PLA2G6: variants seen among roughly 807,000 people sequenced by gnomAD.
PLA2G6 encodes the protein 85/88 kDa calcium-independent phospholipase A2.
PLA2G6 carries 62 observed loss-of-function variants against 83.8 expected under a neutral mutation model. The ratio of observed to expected loss-of-function variants is 0.74; its 90% CI spans 0.60 to 0.91. PLA2G6 has a LOEUF of 0.91. PLA2G6 is among the 40% of genes least tolerant of loss of function. The pLI is 0.00. For synonymous variants in PLA2G6, 417 were observed against 449.8 expected (o/e 0.93, Z 0.92); for missense variants, 944 against 1,102.0 (o/e 0.86, Z 2.03).
chr22:38,111,626 T>A lies in PLA2G6; in HGVS notation c.*535A>T, dbSNP rs915562698. ...GGGGCAGTGTGAGGGGCTGGGCCAGTGTGAGGGGCAAAGTCCAACGGGCAT... is the reference window on the plus strand; with the variant it reads ...GGGGCAGTGTGAGGGGCTGGGCCAGAGTGAGGGGCAAAGTCCAACGGGCAT... On this transcript the variant is annotated 3_prime_UTR_variant, in exon 17 of 17. Coordinates refer to ENST00000332509, the MANE Select transcript of PLA2G6 (RefSeq NM_003560.4). 1 of 181,058 alleles carries A rather than the reference T, an allele frequency of 5.5e-6. No individual in the cohort carries two copies. 11.2% of individuals were successfully genotyped at this position (181,058 alleles called of 1,614,324 possible).
chr22:38,157,102 G>T (rs118124774), intron 2 of PLA2G6, among the ~76,000 whole-genome samples: 8,712 of 151,590 alleles, frequency 0.057, 351 homozygotes, highest in Non-Finnish European at 0.088. Context: ...ATTAGTAGAA[G>T]AAAAGAAATA....
intron 7 of PLA2G6, chr22:38,131,721 A>G (rs901984113): frequency 6.3e-6 from 1 of 158,132 alleles, no homozygotes; most frequent in Non-Finnish European, 1.4e-5. Context: ...CAGCTTTTAG[A>G]GTCCCGGGGG....
At chr22:38,163,455 G>C (rs1318195708) in intron 2 of PLA2G6, 1 of 169,604 alleles carries the variant, frequency 5.9e-6, no homozygotes, top group African/African-American at 2.4e-5. Context: ...CAGGCATCAG[G>C]AACGCAGAGG....
At chr22:38,120,647 C>A in intron 12 of PLA2G6, 112 bp downstream of exon 12, 1 of 1,341,954 alleles carries the variant, frequency 7.5e-7, no homozygotes, top group Admixed American at 1.7e-5. Flanking sequence ...CTGCTCCCCT[C>A]AAGCGTGGGG....
rs2087870470 is a variant in PLA2G6 at position 38,126,517 on chromosome 22, C to T, written c.1349-68G>A. 4.2e-6 allele frequency: 5 copies of T among 1,201,104 alleles called. No homozygotes were observed. The Admixed American group carries it at 6.8e-5, about 16-fold the overall frequency. The allele number at this position is 1,201,104 out of a possible 1,614,324, so 74.4% of individuals were successfully genotyped here. A position where few individuals can be genotyped will look rare whatever the true frequency, so the allele number is the denominator to read the frequency against. ...CCAAGCCCTGCTACCCCAGAGGTCC[C>T]TAGATCAAACCTGGGCTGTGCCTCG... is the stretch of plus-strand genomic sequence containing the variant. On this transcript the variant is annotated intron_variant, in intron 9 of 16. Transcript: ENST00000332509.
intron 2 of PLA2G6, among the ~76,000 whole-genome samples, chr22:38,153,840 T>C: frequency 6.6e-6 from 1 of 152,198 alleles, no homozygotes. Flanking sequence ...GTGGCAGTTC[T>C]GGACCTGCCC....
chr22:38,142,851 TGGGG>T, intron 4 of PLA2G6: 1 of 537,186 alleles, frequency 1.9e-6, no homozygotes, highest in Middle Eastern at 5.3e-4. Context: ...GGGCCTTTTT[TGGGG>T]TTTATTTTGC....
At chr22:38,178,169 G>T (rs952558428) in intron 1 of PLA2G6, among the ~76,000 whole-genome samples, 16 of 152,176 alleles carry the variant, frequency 1.1e-4, no homozygotes, top group Admixed American at 9.8e-4. Context: ...AGAGATCTTT[G>T]GGCTGGTGGC....
At chr22:38,155,769 A>G (rs183451000) in intron 2 of PLA2G6, among the ~76,000 whole-genome samples, 75 of 152,356 alleles carry the variant, frequency 4.9e-4, no homozygotes, top group Admixed American at 9.2e-4. Flanking sequence ...GGAAAGAAAG[A>G]AGATCACAAA....
intron 2 of PLA2G6, among the ~76,000 whole-genome samples, chr22:38,151,075 T>A (rs1320586596): frequency 1.3e-5 from 2 of 151,992 alleles, no homozygotes; most frequent in African/African-American, 4.8e-5. Context: ...TGTCTCTAAA[T>A]AAATAAATGC....
At chr22:38,165,073 C>T (rs1039362125) in intron 2 of PLA2G6, among the ~76,000 whole-genome samples, 3 of 152,174 alleles carry the variant, frequency 2.0e-5, no homozygotes, top group Non-Finnish European at 4.4e-5. Context: ...TCAAACCCTG[C>T]ATCCCAGTCC....
chr22:38,178,939 G>A (rs951931368), intron 1 of PLA2G6, among the ~76,000 whole-genome samples: 1 of 152,128 alleles, frequency 6.6e-6, no homozygotes, highest in African/African-American at 2.4e-5. Flanking sequence ...ATTTTAGACA[G>A]AGCTACTAAT....
chr22:38,167,531 T>TGGA (rs2090267739), intron 2 of PLA2G6, among the ~76,000 whole-genome samples: 1 of 151,670 alleles, frequency 6.6e-6, no homozygotes, highest in Non-Finnish European at 1.5e-5. Context: ...GTGCCTGCAG[T>TGGA]GGAGCTCTGA....
intron 2 of PLA2G6, among the ~76,000 whole-genome samples, chr22:38,158,175 T>C (rs1417161408): frequency 4.0e-5 from 6 of 149,912 alleles, no homozygotes; most frequent in Admixed American, 6.6e-5. Flanking sequence ...CTTTTCTTTT[T>C]TTTTTTTTTT....
At chr22:38,115,926 A>C in intron 13 of PLA2G6, 149 bp downstream of exon 13, 1 of 1,460,756 alleles carries the variant, frequency 6.8e-7, no homozygotes, top group Non-Finnish European at 9.3e-7. Context: ...CTCCCCCGCA[A>C]TCCCTGTCCT....
rs1005125803 is a variant in PLA2G6, at chr22:38,132,270, A to C, written c.1077+561T>G. On this transcript the variant is annotated intron_variant, in intron 7 of 16. Transcript: ENST00000332509. This position sits in a 1 kb window ranked among gnomAD's most constrained non-coding sequence, Gnocchi z 5.0. ...TAATAAACCAACGAATATGCCTGGC[A>C]CCTGCCACAGGCTGCTGGGCTGCAC... is the stretch of plus-strand genomic sequence containing the variant. 2.9e-6 allele frequency: 1 copy of C among 348,278 alleles called. No individual in the cohort carries two copies. 21.6% of individuals were successfully genotyped at this position (348,278 alleles called of 1,614,324 possible). A position where few individuals can be genotyped will look rare whatever the true frequency, so the allele number is the denominator to read the frequency against.
At position 38,165,218 on chromosome 22, in the gene PLA2G6, A is replaced by G. The variant is rs573178293; in HGVS notation, c.209+4000T>C. ...ATGAATACTCTAAAGCTAAATTAATATATCACATTCATTTGTTCCACAAAC... is the reference window on the plus strand; with the variant it reads ...ATGAATACTCTAAAGCTAAATTAATGTATCACATTCATTTGTTCCACAAAC... On this transcript the variant is annotated intron_variant, in intron 2 of 16. Coordinates refer to ENST00000332509, the MANE Select transcript of PLA2G6 (RefSeq NM_003560.4). Among the ~76,000 whole-genome samples the G allele has an allele frequency of 2.6e-5, 4 of 152,278 alleles. No homozygotes were observed. In the South Asian group the frequency reaches 8.3e-4, roughly 32 times the overall value.
At chr22:38,177,004 C>T (rs1441086090) in intron 1 of PLA2G6, among the ~76,000 whole-genome samples, 1 of 149,910 alleles carries the variant, frequency 6.7e-6, no homozygotes, top group Non-Finnish European at 1.5e-5. Flanking sequence ...GAGATCATGC[C>T]ACTGCACTAA....
At chr22:38,159,328 A>T (rs1000120429) in intron 2 of PLA2G6, among the ~76,000 whole-genome samples, 1 of 152,212 alleles carries the variant, frequency 6.6e-6, no homozygotes, top group Non-Finnish European at 1.5e-5. Flanking sequence ...TGAAAATCTC[A>T]TAGTCCTATA....
Sources: allele counts gnomAD v4.1 joint callset (sites outside exome capture counted in the v4.1 genomes callset), GRCh38; gene constraint gnomAD v4.1.1; non-coding constraint Gnocchi (gnomAD v3.1); transcripts MANE v1.5; gene names NCBI Gene and HGNC (gene_info 2026-07-23, HGNC 2026-07-21).